IKBKB: variants seen among roughly 807,000 people sequenced by gnomAD.
IKBKB encodes the protein inhibitor of nuclear factor kappa B kinase subunit beta.
In IKBKB, 42 loss-of-function variants were observed where a neutral mutation model predicts 113.6. That is an observed-to-expected ratio of 0.37 (90% CI 0.29 to 0.48). The LOEUF (loss-of-function observed/expected upper bound fraction) is 0.48, where lower values mean the gene tolerates loss of function less well. IKBKB is among the 20% of genes least tolerant of loss of function. IKBKB has a pLI of 0.99. For missense variants in IKBKB, 673 were observed against 939.7 expected (o/e 0.72, Z 3.71); for synonymous variants, 296 against 361.3 (o/e 0.82, Z 2.05).
At chr8:42,304,098 G>GC (rs1816003413) in intron 5 of IKBKB, among the ~76,000 whole-genome samples, 1 of 152,020 alleles carries the variant, frequency 6.6e-6, no homozygotes, top group Admixed American at 6.6e-5. Flanking sequence ...CCTTTCCACT[G>GC]CAACTGGATA....
chr8:42,331,029 T>C lies in IKBKB; in HGVS notation c.*50T>C. Reference sequence around the variant, plus strand: ...ATGGGGCAGCCCATAGCAGGCCTTGTGCAGTGGGGGGACTCGACCCCCTGA... The same window carrying C: ...ATGGGGCAGCCCATAGCAGGCCTTGCGCAGTGGGGGGACTCGACCCCCTGA... On this transcript the variant is annotated 3_prime_UTR_variant, in exon 22 of 22. Transcript: ENST00000520810. 6.3e-7 allele frequency: 1 copy of C among 1,599,202 alleles called. No homozygotes were observed.
At chr8:42,312,181 C>T (rs1025053928) in intron 8 of IKBKB, among the ~76,000 whole-genome samples, 11 of 152,188 alleles carry the variant, frequency 7.2e-5, no homozygotes, top group Non-Finnish European at 1.3e-4. Flanking sequence ...CCACCGCGCC[C>T]GGCTGTAGTG....
Position 42,274,797 on chromosome 8 carries a change from C to A in IKBKB, c.105+2592C>A, listed in dbSNP as rs905753074. On this transcript the variant is annotated intron_variant, in intron 2 of 21. Coordinates refer to ENST00000520810, the MANE Select transcript of IKBKB (RefSeq NM_001556.3). The stretch of plus-strand genomic sequence containing the variant: ...ATCCCCGCCGGCGCGCCCCCCCCCC[C>A]CCCCGCCATCCCAGCCTCCCAAAGT... 1.5e-3 allele frequency among the ~76,000 whole-genome samples: 134 copies of A among 87,672 alleles called. 9 individuals carry two copies. Among genetic ancestry groups the A allele is most frequent in the African/African-American group, 3.7e-3 (127 of 34,758 alleles). The allele number at this position is 87,672 out of a possible 152,430, so 57.5% of individuals were successfully genotyped here. A position where few individuals can be genotyped will look rare whatever the true frequency, so the allele number is the denominator to read the frequency against.
In IKBKB at chr8:42,318,547, T is replaced by C. The variant is rs200315242; in HGVS notation, c.1241-5T>C. On this transcript the variant is annotated splice_polypyrimidine_tract_variant and splice_region_variant and intron_variant, in intron 12 of 21. Transcript: ENST00000520810. Reference sequence around the variant, plus strand: ...TTTGACAATTGCTTGTGTCTCTGTCTCCAGTTCAAGAGCCCAAGAGGAATC... The same window carrying C: ...TTTGACAATTGCTTGTGTCTCTGTCCCCAGTTCAAGAGCCCAAGAGGAATC... 1 of 1,612,908 alleles carries C rather than the reference T, an allele frequency of 6.2e-7. No individual in the cohort carries two copies. Among genetic ancestry groups the C allele is most frequent in the Non-Finnish European group, 8.5e-7 (1 of 1,179,102 alleles).
At chr8:42,322,270 G>A in intron 18 of IKBKB, 77 bp from the exon 19 acceptor site, 3 of 1,586,072 alleles carry the variant, frequency 1.9e-6, no homozygotes, top group Non-Finnish European at 1.7e-6. Context: ...TGCAGCTGCT[G>A]ACTGGATGCA....
rs1054792003 is a variant in IKBKB at position 42,271,892 on chromosome 8, G to A, written c.-18-191G>A. ...TGCCACAGCAACCGGATGGGGGAGG[G>A]TGAGAGGGACAAAAGTTTGCCACAA... On this transcript the variant is annotated intron_variant, in intron 1 of 21. Transcript: ENST00000520810. 8.1e-6 allele frequency: 5 copies of A among 620,472 alleles called. No individual in the cohort carries two copies. The African/African-American group carries it at 9.3e-5, about 12-fold the overall frequency. 38.4% of individuals were successfully genotyped at this position (620,472 alleles called of 1,614,324 possible).
At chr8:42,288,819 C>A in intron 3 of IKBKB, 91 bp downstream of exon 3, 1 of 1,029,080 alleles carries the variant, frequency 9.7e-7, no homozygotes, top group Non-Finnish European at 1.4e-6. Flanking sequence ...GTGCGTGGCT[C>A]ACGCCTGTAA....
intron 5 of IKBKB, chr8:42,298,445 T>C: frequency 1.0e-6 from 1 of 985,412 alleles, no homozygotes; most frequent in Non-Finnish European, 1.2e-6. Context: ...AGAGAAAACA[T>C]TTGGCTTTGG....
rs931318595 is a variant in IKBKB at position 42,290,237 on chromosome 8, G to A, written c.282G>A (p.Leu94=). 6.2e-7 allele frequency: 1 copy of A among 1,613,516 alleles called. No individual in the cohort carries two copies. Among genetic ancestry groups the A allele is most frequent in the Non-Finnish European group, 8.5e-7 (1 of 1,179,832 alleles). ...TGGCGCCCAATGACCTGCCCCTGCT[G>A]GCCATGGAGTACTGCCAAGGAGGAG... The part of the protein sequence containing the change: ...QNLAPNDLPL[L]AMEYCQGGDL... The change falls in exon 4 of 22, where the codon CTG becomes CTA. Residue 94 remains leucine (L), a synonymous_variant. Coordinates refer to ENST00000520810, the MANE Select transcript of IKBKB (RefSeq NM_001556.3).
chr8:42,329,315 GTGTT>G (rs970748813), intron 21 of IKBKB, 101 bp downstream of exon 21: 18 of 1,408,184 alleles, frequency 1.3e-5, no homozygotes, highest in African/African-American at 7.5e-5. Flanking sequence ...CTCAACCTCA[GTGTT>G]TGTTTGTTTG....
intron 1 of IKBKB, 195 bp from the exon 2 acceptor site, chr8:42,271,888 G>A: frequency 1.7e-6 from 1 of 602,152 alleles, no homozygotes. Context: ...CCGGATGGGG[G>A]AGGGTGAGAG....
rs1179194436 is a variant in IKBKB at position 42,286,476 on chromosome 8, GTC to G, written c.106-2156_106-2155del. The stretch of plus-strand genomic sequence containing the variant: ...GAGGCCTTGCCACAGTCCTCTGTGT[GTC>G]TTTTTTTGTTTTTGTTTTTGTTTTT... On this transcript the variant is annotated intron_variant, in intron 2 of 21. Coordinates refer to ENST00000520810, the MANE Select transcript of IKBKB (RefSeq NM_001556.3). 2.0e-5 allele frequency among the ~76,000 whole-genome samples: 3 copies of G among 152,134 alleles called. No individual in the cohort carries two copies. In the East Asian group the frequency reaches 5.8e-4, roughly 29 times the overall value.
intron 4 of IKBKB, 56 bp from the exon 5 acceptor site, chr8:42,293,387 G>T: frequency 6.2e-7 from 1 of 1,610,530 alleles, no homozygotes. Context: ...GACATGTGTG[G>T]ATTTCCGGTG....
chr8:42,287,805 T>G (rs1393653538), intron 2 of IKBKB, among the ~76,000 whole-genome samples: 1 of 152,148 alleles, frequency 6.6e-6, no homozygotes, highest in Non-Finnish European at 1.5e-5. Flanking sequence ...ATCTGCTATA[T>G]TATGCCATAT....
rs537677669 is a variant in IKBKB at position 42,298,069 on chromosome 8, T to C, written c.388+4557T>C. 3.0e-6 allele frequency: 3 copies of C among 985,012 alleles called. No individual in the cohort carries two copies. The African/African-American group carries it at 5.2e-5, about 17-fold the overall frequency. The allele number at this position is 985,012 out of a possible 1,614,324, so 61.0% of individuals were successfully genotyped here. ...CCACGTAATGTGACCCTAAAATAGC[T>C]CAAGGAAGTTATATGTGAGTGGACT... On this transcript the variant is annotated intron_variant, in intron 5 of 21. Coordinates refer to ENST00000520810, the MANE Select transcript of IKBKB (RefSeq NM_001556.3).
chr8:42,329,177 T>C lies in IKBKB; in HGVS notation c.2168T>C (p.Ile723Thr). ...CTCTGCACCCTGCTAGAAAATGCCA[T>C]ACAGGACACTGTGAGGGAACAAGAC... ...HNLCTLLENA[I>T]QDTVREQDQS... The change falls in exon 21 of 22, where the codon ATA becomes ACA. Residue 723 changes from isoleucine (I) to threonine (T), a missense_variant. By Grantham distance (89) the Ile-to-Thr change is moderately conservative (BLOSUM62 -1). Coordinates refer to ENST00000520810, the MANE Select transcript of IKBKB (RefSeq NM_001556.3). 6.2e-7 allele frequency: 1 copy of C among 1,604,872 alleles called. No homozygotes were observed. Among genetic ancestry groups the C allele is most frequent in the South Asian group, 1.1e-5 (1 of 89,048 alleles).
At chr8:42,276,372 T>C (rs1446185832) in intron 2 of IKBKB, among the ~76,000 whole-genome samples, 1 of 152,250 alleles carries the variant, frequency 6.6e-6, no homozygotes, top group African/African-American at 2.4e-5. Context: ...CATATACTTG[T>C]TGGCCATCTG....
In IKBKB at chr8:42,319,317, C is replaced by T; in HGVS notation, c.1412C>T (p.Ser471Phe). The change falls in exon 14 of 22, where the codon TCC becomes TTC. Residue 471 changes from serine to phenylalanine, a missense_variant. Physicochemically the swap from Ser to Phe is radical, Grantham distance 155. Coordinates refer to ENST00000520810, the MANE Select transcript of IKBKB (RefSeq NM_001556.3). ...AGCTGCCTCTCCAAAATGAAGAATT[C>T]CATGGCTTCCATGTCTCAGCAGCTC... ...NNSCLSKMKN[S>F]MASMSQQLKA... The T allele has an allele frequency of 2.5e-6, 4 of 1,614,094 alleles. No homozygotes were observed. Among genetic ancestry groups the T allele is most frequent in the Non-Finnish European group, 3.4e-6 (4 of 1,179,962 alleles).
intron 2 of IKBKB, among the ~76,000 whole-genome samples, chr8:42,278,722 G>A (rs1479578602): frequency 6.6e-6 from 1 of 151,926 alleles, no homozygotes; most frequent in Non-Finnish European, 1.5e-5. Flanking sequence ...TTAGCCTGGT[G>A]CAGTGGCTCA....
Sources: allele counts gnomAD v4.1 joint callset (sites outside exome capture counted in the v4.1 genomes callset), GRCh38; gene constraint gnomAD v4.1.1; transcripts MANE v1.5; gene names NCBI Gene and HGNC (gene_info 2026-07-23, HGNC 2026-07-21).